The following SLC17A5 variants were observed in gnomAD, a reference collection of about 807,000 sequenced individuals.
The protein encoded by SLC17A5 is solute carrier family 17 member 5, also known as sialin.
In SLC17A5, 47 loss-of-function variants were observed where a neutral mutation model predicts 59.4. That is an observed-to-expected ratio of 0.79 (90% CI 0.63 to 1.01). SLC17A5 has a LOEUF of 1.01. Among genes scored for constraint, SLC17A5 ranks in the 50% least tolerant of loss-of-function variants. The pLI is 0.00. For synonymous variants in SLC17A5, 202 were observed against 210.7 expected, an observed-to-expected ratio of 0.96 and a Z score of 0.36; for missense variants, 522 against 595.5, an observed-to-expected ratio of 0.88 and a Z score of 1.28.
intron 10 of SLC17A5, among the ~76,000 whole-genome samples, chr6:73,599,905 T>G (rs1766979565): frequency 6.6e-6 from 1 of 152,142 alleles, no homozygotes; most frequent in Admixed American, 6.6e-5. Flanking sequence ...TGAGCGATTC[T>G]TGTGCCTCAG....
intron 1 of SLC17A5, among the ~76,000 whole-genome samples, chr6:73,651,459 TCAA>T (rs1263877762): frequency 6.3e-5 from 1 of 15,860 alleles, no homozygotes; most frequent in African/African-American, 3.3e-4. Context: ...AAACTCCGTC[TCAA>T]AAAAAAAAAA....
At chr6:73,649,638 G>A (rs1769751887) in intron 1 of SLC17A5, among the ~76,000 whole-genome samples, 1 of 152,150 alleles carries the variant, frequency 6.6e-6, no homozygotes. Context: ...TTTTCTATAC[G>A]CTTGGCACTA....
intron 6 of SLC17A5, among the ~76,000 whole-genome samples, chr6:73,634,110 T>C (rs932461514): frequency 4.6e-5 from 7 of 152,136 alleles, no homozygotes; most frequent in African/African-American, 1.4e-4. Context: ...TATTGAATTA[T>C]TATAGATTTT....
chr6:73,595,937 T>TATATATACGTATATATATACATATAC (rs1341426744), intron 10 of SLC17A5, among the ~76,000 whole-genome samples: 21 of 1,332 alleles, frequency 0.016, no homozygotes, highest in African/African-American at 0.051. Context: ...CATATACATA[T>TATATATACGTATATATATACATATAC]ATATATATAT....
chr6:73,617,950 G>A (rs1234294623), intron 7 of SLC17A5, among the ~76,000 whole-genome samples: 1 of 150,992 alleles, frequency 6.6e-6, no homozygotes, highest in South Asian at 2.1e-4. Context: ...CAATTTTTTT[G>A]CAGGCGCATT....
At chr6:73,642,579 A>G (rs1385851396) in intron 2 of SLC17A5, among the ~76,000 whole-genome samples, 11 of 152,244 alleles carry the variant, frequency 7.2e-5, no homozygotes, top group Admixed American at 7.2e-4. Flanking sequence ...AACAATTCCA[A>G]AGAGCAAGAA....
At chr6:73,595,330 C>T in intron 10 of SLC17A5, 116 bp from the exon 11 acceptor site, 2 of 1,157,708 alleles carry the variant, frequency 1.7e-6, no homozygotes, top group Non-Finnish European at 1.3e-6. Context: ...AAAGCCTCAT[C>T]CTTGAAACAA....
rs535883254 is a variant in SLC17A5 at position 73,651,803 on chromosome 6, T to A, written c.94+1990A>T. Among the ~76,000 whole-genome samples, 185 of 152,302 alleles carry A rather than the reference T, an allele frequency of 1.2e-3. 3 individuals carry two copies. The highest frequency in any genetic ancestry group is 4.2e-3 in the African/African-American group (176 of 41,572). On this transcript the variant is annotated intron_variant, in intron 1 of 10. Transcript: ENST00000355773. Reference sequence around the variant, plus strand: ...GCTGACCTCAGGTGATCCGCCCGCCTCGGCCTCCCAAAGTGAGTAAGCATT... The same window carrying A: ...GCTGACCTCAGGTGATCCGCCCGCCACGGCCTCCCAAAGTGAGTAAGCATT...
chr6:73,643,817 G>A (rs1466948512), intron 2 of SLC17A5, among the ~76,000 whole-genome samples: 1 of 152,106 alleles, frequency 6.6e-6, no homozygotes, highest in Non-Finnish European at 1.5e-5. Flanking sequence ...TTTTCTTTCT[G>A]TACTATCTCC....
At chr6:73,601,062 G>A (rs1767045932) in intron 9 of SLC17A5, among the ~76,000 whole-genome samples, 1 of 149,186 alleles carries the variant, frequency 6.7e-6, no homozygotes, top group Non-Finnish European at 1.5e-5. Context: ...AGTGAGGAGC[G>A]TCTCTGCCCG....
intron 8 of SLC17A5, 130 bp from the exon 9 acceptor site, chr6:73,610,677 AAC>A: frequency 1.1e-6 from 1 of 925,878 alleles, no homozygotes; most frequent in Middle Eastern, 2.3e-4. Context: ...CTGGAAGACT[AAC>A]AAATTTCATG....
chr6:73,627,536 C>T (rs1768486648), intron 6 of SLC17A5, among the ~76,000 whole-genome samples: 1 of 152,024 alleles, frequency 6.6e-6, no homozygotes, highest in Non-Finnish European at 1.5e-5. Flanking sequence ...TTGTTTCTAA[C>T]ACACTACTAT....
At chr6:73,606,231 T>C (rs1223333290) in intron 9 of SLC17A5, among the ~76,000 whole-genome samples, 1 of 151,806 alleles carries the variant, frequency 6.6e-6, no homozygotes, top group Non-Finnish European at 1.5e-5. Flanking sequence ...TTAGTAGAGA[T>C]GGGGTTTCAC....
intron 1 of SLC17A5, among the ~76,000 whole-genome samples, chr6:73,649,604 T>C (rs958104891): frequency 6.6e-6 from 1 of 152,184 alleles, no homozygotes; most frequent in East Asian, 1.9e-4. Flanking sequence ...GACTCTTGTC[T>C]CAAAAAACAA....
At chr6:73,653,228 A>G (rs745436713) in intron 1 of SLC17A5, 42 of 985,428 alleles carry the variant, frequency 4.3e-5, no homozygotes, top group Non-Finnish European at 5.1e-5. Context: ...TGTTAACTCC[A>G]GTCCTTTTTT....
chr6:73,619,107 G>A (rs485349), intron 7 of SLC17A5, among the ~76,000 whole-genome samples: 24,549 of 151,908 alleles, frequency 0.16, 3,036 homozygotes, highest in African/African-American at 0.34. Flanking sequence ...AGATGGGGTA[G>A]TGGCTGGTTG....
intron 1 of SLC17A5, chr6:73,653,562 C>G (rs956590974): frequency 1.1e-6 from 1 of 869,960 alleles, no homozygotes; most frequent in African/African-American, 1.8e-5. Context: ...GGCCCCGGCT[C>G]GGCTCCGCGA....
At chr6:73,620,997 A>ATTTT (rs1768118778) in intron 7 of SLC17A5, among the ~76,000 whole-genome samples, 2 of 126,752 alleles carry the variant, frequency 1.6e-5, no homozygotes, top group South Asian at 4.7e-4. Context: ...AAGTGCTGGG[A>ATTTT]TTAATTATTA....
In SLC17A5 at chr6:73,644,447, G is replaced by C; in HGVS notation, c.251C>G (p.Pro84Arg). 1 of 1,613,998 alleles carries C rather than the reference G, an allele frequency of 6.2e-7. No individual in the cohort carries two copies. ...AACTTTTATGGGAGCAGAATGCTCT[G>C]GACACGCCTTGGAAGTTCTATTATC... ...LEDNRTSKAC[P>R]EHSAPIKVHH... The change falls in exon 2 of 11, where the codon CCA becomes CGA. Residue 84 changes from proline to arginine, a missense_variant. By Grantham distance (103) the Pro-to-Arg change is moderately radical (BLOSUM62 -2). This residue lies in a region of SLC17A5 where 338 missense variants were observed against 363.8 expected (regional missense o/e 0.93). Coordinates refer to ENST00000355773, the MANE Select transcript of SLC17A5 (RefSeq NM_012434.5).
Sources: allele counts gnomAD v4.1 joint callset (sites outside exome capture counted in the v4.1 genomes callset), GRCh38; gene constraint gnomAD v4.1.1; regional missense constraint gnomAD v4.1.1; transcripts MANE v1.5; gene names NCBI Gene and HGNC (gene_info 2026-07-23, HGNC 2026-07-21).